The following ODAD2 variants were observed in gnomAD, a reference collection of about 807,000 sequenced individuals.
ODAD2 encodes the protein outer dynein arm-docking complex subunit 2.
Under a neutral mutation model 106.8 loss-of-function variants are expected in ODAD2, and 89 were observed. That is an observed-to-expected ratio of 0.83 (90% CI 0.70 to 0.99). The LOEUF is 0.99. Ranked by LOEUF, ODAD2 falls within the 50% of genes least tolerant of loss-of-function variation. The pLI is 0.00. For synonymous variants in ODAD2, 404 were observed against 436.2 expected (o/e 0.93, Z 0.92); for missense variants, 1,168 against 1,238.5 (o/e 0.94, Z 0.85).
chr10:27,920,976 G>A (rs755027513), intron 16 of ODAD2, among the ~76,000 whole-genome samples: 28 of 152,228 alleles, frequency 1.8e-4, no homozygotes, highest in Non-Finnish European at 3.4e-4. Flanking sequence ...ATGTGAAAGA[G>A]TCTTTCATTA....
At chr10:27,946,437 A>G (rs896846317) in intron 10 of ODAD2, among the ~76,000 whole-genome samples, 24 of 152,114 alleles carry the variant, frequency 1.6e-4, no homozygotes, top group Admixed American at 3.9e-4. Context: ...GGTACATGTG[A>G]TATTCTGATG....
intron 16 of ODAD2, among the ~76,000 whole-genome samples, chr10:27,912,324 G>T (rs529188489): frequency 3.3e-5 from 5 of 152,076 alleles, no homozygotes; most frequent in African/African-American, 4.8e-5. Flanking sequence ...AAGATCTTCA[G>T]TTTTATCTCA....
At chr10:27,823,013 G>A (rs1163012353) in intron 19 of ODAD2, among the ~76,000 whole-genome samples, 1 of 152,158 alleles carries the variant, frequency 6.6e-6, no homozygotes, top group Non-Finnish European at 1.5e-5. Flanking sequence ...ATAATAGAGA[G>A]AGCCCTATTG....
chr10:27,876,821 T>C (rs1435775473), intron 17 of ODAD2, among the ~76,000 whole-genome samples: 1 of 152,226 alleles, frequency 6.6e-6, no homozygotes, highest in Non-Finnish European at 1.5e-5. Flanking sequence ...ATATGCATGT[T>C]CCCTGATGAA....
intron 17 of ODAD2, among the ~76,000 whole-genome samples, chr10:27,892,049 T>C (rs1842601016): frequency 6.6e-6 from 1 of 151,852 alleles, no homozygotes; most frequent in Admixed American, 6.6e-5. Context: ...TCTCCAAAAA[T>C]GTGTTTGATC....
chr10:27,837,680 C>T lies in ODAD2; in HGVS notation c.3021+22945G>A, dbSNP rs527240361. ...AAATTTAAACGTGGGTCATAAAGAACGACAAAATAAACTTTATAAATATTT... is the reference window on the plus strand; with the variant it reads ...AAATTTAAACGTGGGTCATAAAGAATGACAAAATAAACTTTATAAATATTT... On this transcript the variant is annotated intron_variant, in intron 19 of 19. Transcript: ENST00000305242. Among the ~76,000 whole-genome samples the T allele has an allele frequency of 3.0e-4, 45 of 152,184 alleles. 1 individual carries two copies. The South Asian group carries it at 7.9e-3, about 27-fold the overall frequency.
At chr10:27,926,260 A>T (rs1312219545) in intron 16 of ODAD2, among the ~76,000 whole-genome samples, 3 of 152,128 alleles carry the variant, frequency 2.0e-5, no homozygotes, top group South Asian at 4.1e-4. Context: ...TTTATCAAAC[A>T]TTGTCCTAGA....
At chr10:27,947,656 G>T (rs1356016240) in intron 10 of ODAD2, among the ~76,000 whole-genome samples, 2 of 152,166 alleles carry the variant, frequency 1.3e-5, no homozygotes, top group African/African-American at 2.4e-5. Flanking sequence ...TAGCAGAGCA[G>T]GTTCCTATAT....
chr10:27,864,097 C>T (rs879821463), intron 17 of ODAD2, among the ~76,000 whole-genome samples: 5 of 151,828 alleles, frequency 3.3e-5, no homozygotes, highest in Non-Finnish European at 7.4e-5. Flanking sequence ...GTATAGGGAA[C>T]ACAGGGGCTA....
intron 19 of ODAD2, 151 bp from the exon 20 acceptor site, chr10:27,812,776 T>A (rs1835842479): frequency 1.7e-6 from 2 of 1,211,738 alleles, no homozygotes; most frequent in African/African-American, 1.6e-5. Flanking sequence ...AATACGAATA[T>A]AAACAGTGTT....
chr10:27,906,245 C>A (rs1450786842), intron 17 of ODAD2, among the ~76,000 whole-genome samples: 2 of 152,104 alleles, frequency 1.3e-5, no homozygotes, highest in Non-Finnish European at 2.9e-5. Context: ...ATGCGACCAA[C>A]AAACGTATGA....
At chr10:27,886,555 T>C (rs1402271793) in intron 17 of ODAD2, among the ~76,000 whole-genome samples, 1 of 151,990 alleles carries the variant, frequency 6.6e-6, no homozygotes, top group African/African-American at 2.4e-5. Context: ...CACAGTAACT[T>C]GAAGCCATAC....
At chr10:27,837,811 C>A (rs1838012343) in intron 19 of ODAD2, among the ~76,000 whole-genome samples, 1 of 152,112 alleles carries the variant, frequency 6.6e-6, no homozygotes, top group African/African-American at 2.4e-5. Flanking sequence ...ACTTGTCAAC[C>A]ATAAGGATAA....
intron 19 of ODAD2, among the ~76,000 whole-genome samples, chr10:27,853,070 A>G (rs1388743381): frequency 3.3e-5 from 5 of 151,080 alleles, no homozygotes; most frequent in Non-Finnish European, 7.4e-5. Flanking sequence ...AAAAGACTGA[A>G]TAAAAAAGTA....
intron 17 of ODAD2, among the ~76,000 whole-genome samples, chr10:27,879,214 T>A (rs985633820): frequency 6.6e-6 from 1 of 152,152 alleles, no homozygotes; most frequent in South Asian, 2.1e-4. Flanking sequence ...TTAGATGCAG[T>A]ATTCCATTTA....
chr10:27,863,150 C>T (rs1013961565), intron 17 of ODAD2, among the ~76,000 whole-genome samples: 1 of 152,156 alleles, frequency 6.6e-6, no homozygotes, highest in African/African-American at 2.4e-5. Flanking sequence ...TCATATTGAA[C>T]TCATGGCCAA....
At chr10:27,920,027 T>A (rs955763475) in intron 16 of ODAD2, among the ~76,000 whole-genome samples, 2 of 152,010 alleles carry the variant, frequency 1.3e-5, no homozygotes, top group African/African-American at 4.8e-5. Flanking sequence ...AAGCTATAGT[T>A]TATAGGGATG....
At chr10:27,971,457 C>T (rs943542942) in intron 7 of ODAD2, 144 bp from the exon 8 acceptor site, 1 of 671,690 alleles carries the variant, frequency 1.5e-6, no homozygotes. Flanking sequence ...ACAAGGACAA[C>T]ATCAAGACTA....
chr10:27,815,450 G>A (rs762710621), intron 19 of ODAD2, among the ~76,000 whole-genome samples: 4 of 152,186 alleles, frequency 2.6e-5, no homozygotes, highest in Non-Finnish European at 5.9e-5. Flanking sequence ...ACTCCAGGCT[G>A]CTGTCTGCCT....
Sources: gnomAD v4.1 joint callset for allele counts (sites outside exome capture counted in the v4.1 genomes callset) on GRCh38, gnomAD v4.1.1 for gene constraint, MANE v1.5 for transcripts, NCBI Gene and HGNC (gene_info 2026-07-23, HGNC 2026-07-21) for gene names.